The following BBS9 variants were observed in gnomAD, a reference collection of about 807,000 sequenced individuals.
The protein encoded by BBS9 is Bardet-Biedl syndrome 9.
Under a neutral mutation model 117.7 loss-of-function variants are expected in BBS9, and 89 were observed. The observed-to-expected ratio is 0.76, with a 90% CI of 0.64 to 0.90. BBS9 has a LOEUF of 0.90. Ranked by LOEUF, BBS9 falls within the 40% of genes least tolerant of loss-of-function variation. The probability of loss-of-function intolerance (pLI) is 0.00; values close to 1 mark genes in which losing one functional copy is unlikely to be tolerated. For synonymous variants in BBS9, 379 were observed against 370.9 expected (o/e 1.02, Z -0.25); for missense variants, 982 against 1,042.2 (o/e 0.94, Z 0.80).
intron 19 of BBS9, among the ~76,000 whole-genome samples, chr7:33,473,538 G>A (rs2128959595): frequency 6.6e-6 from 1 of 152,254 alleles, no homozygotes; most frequent in East Asian, 1.9e-4. Context: ...TGGCCAGGCT[G>A]GTCTCGAATT....
intron 19 of BBS9, among the ~76,000 whole-genome samples, chr7:33,439,695 A>G (rs993934283): frequency 3.3e-5 from 5 of 151,860 alleles, no homozygotes; most frequent in African/African-American, 1.2e-4. Context: ...CGCCCAGCTA[A>G]TTTTTGTATT....
Position 33,383,744 on chromosome 7 carries a change from A to G in BBS9, c.1868A>G (p.Tyr623Cys). 6.2e-7 allele frequency: 1 copy of G among 1,612,942 alleles called. No homozygotes were observed. The highest frequency in any genetic ancestry group is 8.5e-7 in the Non-Finnish European group (1 of 1,179,562). The change falls in exon 18 of 23, where the codon TAT (tyrosine) becomes TGT (cysteine). Residue 623 changes from tyrosine to cysteine, a missense_variant. Transcript: ENST00000242067. The part of the protein sequence containing the change: ...TNELILRLQE[Y>C]FEKQGVKDFA... The stretch of plus-strand genomic sequence containing the variant: ...GAGCTTATTCTTCGCCTTCAAGAAT[A>G]TTTTGAAAAACAGGGAGTCAAAGAT...
intron 20 of BBS9, among the ~76,000 whole-genome samples, chr7:33,513,659 A>G (rs963120584): frequency 1.3e-5 from 2 of 152,192 alleles, no homozygotes; most frequent in Non-Finnish European, 2.9e-5. Context: ...TCTCCTGTAC[A>G]GATGCTAAAA....
chr7:33,326,002 G>A (rs184353009), intron 9 of BBS9, among the ~76,000 whole-genome samples: 2 of 152,236 alleles, frequency 1.3e-5, no homozygotes, highest in African/African-American at 2.4e-5. Flanking sequence ...TACCACTTAC[G>A]TGTGGTCAAG....
intron 1 of BBS9, among the ~76,000 whole-genome samples, chr7:33,134,043 T>C (rs1326209848): frequency 6.6e-6 from 1 of 152,106 alleles, no homozygotes; most frequent in African/African-American, 2.4e-5. Flanking sequence ...CCCTAATGAC[T>C]AATTATGCTG....
intron 21 of BBS9, among the ~76,000 whole-genome samples, chr7:33,630,871 G>A (rs550869404): frequency 6.6e-6 from 1 of 152,216 alleles, no homozygotes; most frequent in South Asian, 2.1e-4. Context: ...TGTCTACTAT[G>A]TGCCAGGCAC....
rs746701628 is a variant in BBS9, at chr7:33,622,572, T to G, written c.2522-12605T>G. On this transcript the variant is annotated intron_variant, in intron 21 of 21. Coordinates refer to the BBS9 transcript ENST00000671952. ...TGTATACCGTAAATATATACAATTT[T>G]TATTTGTCATTTATACTTTAATAAA... Among the ~76,000 whole-genome samples, 85 of 152,210 alleles carry G rather than the reference T, an allele frequency of 5.6e-4. 1 individual carries two copies. The highest frequency in any genetic ancestry group is 1.1e-3 in the Non-Finnish European group (74 of 68,028).
intron 21 of BBS9, among the ~76,000 whole-genome samples, chr7:33,624,221 A>T (rs955446213): frequency 1.3e-5 from 2 of 152,184 alleles, no homozygotes; most frequent in African/African-American, 4.8e-5. Flanking sequence ...AGTTTTCTAA[A>T]TGTAAAATTA....
chr7:33,205,902 T>C (rs1786820472), intron 5 of BBS9, among the ~76,000 whole-genome samples: 1 of 152,208 alleles, frequency 6.6e-6, no homozygotes, highest in African/African-American at 2.4e-5. Context: ...TTTGTAAGTA[T>C]TTAATTAAAG....
At chr7:33,239,239 G>T (rs1794056988) in intron 5 of BBS9, among the ~76,000 whole-genome samples, 1 of 151,920 alleles carries the variant, frequency 6.6e-6, no homozygotes, top group African/African-American at 2.4e-5. Flanking sequence ...GGACTTACTT[G>T]GTGCTACTAC....
At chr7:33,292,482 C>T (rs1443293198) in intron 9 of BBS9, among the ~76,000 whole-genome samples, 1 of 152,134 alleles carries the variant, frequency 6.6e-6, no homozygotes, top group African/African-American at 2.4e-5. Flanking sequence ...CCACCTTGGC[C>T]TCCCAAAGTG....
At chr7:33,489,174 A>G (rs1362110420) in intron 19 of BBS9, among the ~76,000 whole-genome samples, 1 of 151,334 alleles carries the variant, frequency 6.6e-6, no homozygotes, top group Non-Finnish European at 1.5e-5. Flanking sequence ...TTGTATTTTT[A>G]GTAGAGATGG....
In BBS9 at chr7:33,177,459, C is replaced by CT. The variant is rs753552530; in HGVS notation, c.329-7dup. 0.11 allele frequency: 106,532 copies of CT among 989,080 alleles called. No individual in the cohort carries two copies. The highest frequency in any genetic ancestry group is 0.12 in the Non-Finnish European group (84,616 of 709,230). 61.3% of individuals were successfully genotyped at this position (989,080 alleles called of 1,614,324 possible). A position where few individuals can be genotyped will look rare whatever the true frequency, so the allele number is the denominator to read the frequency against. ...TAGTGTACACAAATACAAAGTAATC[C>CT]TTTTTTTTTTTTCCTTAGGAACCTT... On this transcript the variant is annotated intron_variant, in intron 4 of 22. Transcript: ENST00000242067.
chr7:33,384,093 A>G (rs552108923), intron 18 of BBS9, among the ~76,000 whole-genome samples: 1 of 152,172 alleles, frequency 6.6e-6, no homozygotes, highest in Non-Finnish European at 1.5e-5. Context: ...ATTCTCCCAC[A>G]TGGAGACTTA....
chr7:33,481,901 C>G (rs985539413), intron 19 of BBS9, among the ~76,000 whole-genome samples: 6 of 152,126 alleles, frequency 3.9e-5, no homozygotes, highest in African/African-American at 1.4e-4. Flanking sequence ...AGCCAATTGG[C>G]ATAATTAATA....
intron 5 of BBS9, among the ~76,000 whole-genome samples, chr7:33,187,398 G>A (rs1176125621): frequency 6.6e-6 from 1 of 152,186 alleles, no homozygotes; most frequent in Non-Finnish European, 1.5e-5. Context: ...ACCTTATATA[G>A]GAATCTTTCA....
chr7:33,585,228 C>T (rs1336944071), intron 21 of BBS9, among the ~76,000 whole-genome samples: 1 of 152,032 alleles, frequency 6.6e-6, no homozygotes, highest in African/African-American at 2.4e-5. Flanking sequence ...TACTTCTGTG[C>T]TAATTCCTTT....
intron 21 of BBS9, among the ~76,000 whole-genome samples, chr7:33,561,136 T>C (rs1856024740): frequency 6.6e-6 from 1 of 152,200 alleles, no homozygotes; most frequent in Non-Finnish European, 1.5e-5. Flanking sequence ...TTTTCTAATC[T>C]ACCAATCTGT....
At chr7:33,247,772 A>G (rs889950436) in intron 5 of BBS9, among the ~76,000 whole-genome samples, 2 of 152,192 alleles carry the variant, frequency 1.3e-5, no homozygotes, top group Non-Finnish European at 2.9e-5. Context: ...GTTATGGAAA[A>G]TGTTATCAAA....
Sources: gnomAD v4.1 joint callset for allele counts (sites outside exome capture counted in the v4.1 genomes callset) on GRCh38, gnomAD v4.1.1 for gene constraint, MANE v1.5 for transcripts, NCBI Gene and HGNC (gene_info 2026-07-23, HGNC 2026-07-21) for gene names.